APBA2: variants seen among roughly 807,000 people sequenced by gnomAD.
APBA2 encodes the protein amyloid-beta A4 precursor protein-binding family A member 2.
A neutral mutation model predicts 75.0 loss-of-function variants in APBA2; 30 were observed. The ratio of observed to expected loss-of-function variants is 0.40; its 90% CI spans 0.30 to 0.54. The LOEUF (loss-of-function observed/expected upper bound fraction) is 0.54, where lower values mean the gene tolerates loss of function less well. Among genes scored for constraint, APBA2 ranks in the 20% least tolerant of loss-of-function variants. APBA2 has a pLI of 0.49. For synonymous variants in APBA2, 444 were observed against 409.6 expected, an observed-to-expected ratio of 1.08 and a Z score of -1.01; for missense variants, 801 against 1,016.1, an observed-to-expected ratio of 0.79 and a Z score of 2.88.
chr15:29,103,777 G>A (rs892894315), intron 10 of APBA2, among the ~76,000 whole-genome samples: 2 of 152,214 alleles, frequency 1.3e-5, no homozygotes, highest in African/African-American at 4.8e-5. Flanking sequence ...CCAGCCAGGT[G>A]GCCTCGTCAG....
At chr15:28,942,875 CG>C (rs1566824299) in intron 2 of APBA2, among the ~76,000 whole-genome samples, 1 of 152,164 alleles carries the variant, frequency 6.6e-6, no homozygotes, top group Non-Finnish European at 1.5e-5. Flanking sequence ...GCGTTGTCCC[CG>C]AGGCCCGTGG....
chr15:28,990,100 G>A (rs2038142029), intron 2 of APBA2, among the ~76,000 whole-genome samples: 1 of 152,210 alleles, frequency 6.6e-6, no homozygotes, highest in African/African-American at 2.4e-5. Context: ...AGGCCAGGGG[G>A]AAGAGGGCAC....
At chr15:28,978,066 G>A (rs1005320300) in intron 2 of APBA2, among the ~76,000 whole-genome samples, 1 of 152,218 alleles carries the variant, frequency 6.6e-6, no homozygotes, top group Non-Finnish European at 1.5e-5. Context: ...TGTGGTGAGG[G>A]CTTAGGCAAA....
chr15:28,984,912 GCTCTCT>G lies in APBA2; in HGVS notation c.-94-10821_-94-10816del, dbSNP rs72448868. 7.4e-3 allele frequency among the ~76,000 whole-genome samples: 1,030 copies of G among 139,598 alleles called. 9 individuals are homozygous for G. Among genetic ancestry groups the G allele is most frequent in the Middle Eastern group, 0.015 (4 of 270 alleles). The allele number at this position is 139,598 out of a possible 152,430, so 91.6% of individuals were successfully genotyped here. On this transcript the variant is annotated intron_variant, in intron 2 of 14. Coordinates refer to ENST00000683413, the MANE Select transcript of APBA2 (RefSeq NM_001353788.2). Reference sequence around the variant, plus strand: ...CCATCTCTGGGGGTTGGGGGGAGCTGCTCTCTCTCTCTCTCTCTCTCTCTCCCTCTC... The same window carrying G: ...CCATCTCTGGGGGTTGGGGGGAGCTGCTCTCTCTCTCTCTCTCTCCCTCTC...
chr15:28,961,022 G>A (rs1393715258), intron 2 of APBA2, among the ~76,000 whole-genome samples: 1 of 152,098 alleles, frequency 6.6e-6, no homozygotes, highest in Non-Finnish European at 1.5e-5. Flanking sequence ...GCCTCCCAGA[G>A]TGCTGGGATT....
Position 29,054,617 on chromosome 15 carries a change from G to T in APBA2, c.733G>T (p.Ala245Ser), listed in dbSNP as rs756243157. 6.8e-6 allele frequency: 11 copies of T among 1,614,032 alleles called. No homozygotes were observed. In the East Asian group the frequency reaches 1.6e-4, roughly 23 times the overall value. The change falls in exon 4 of 15, where the codon GCC becomes TCC. Residue 245 changes from alanine to serine, a missense_variant. Physicochemically the swap from Ala to Ser is moderately conservative, Grantham distance 99. Coordinates refer to ENST00000683413, the MANE Select transcript of APBA2 (RefSeq NM_001353788.2). This position sits in a 1 kb window ranked among gnomAD's most constrained non-coding sequence, Gnocchi z 6.1. ...MSLSMTSITS[A>S]SEASPEHGPE... is the part of the protein sequence containing the mutation. ...TCTGAGCATGACCAGCATCACCAGCGCCAGTGAGGCCAGCCCCGAGCATGG... is the reference window on the plus strand; with the variant it reads ...TCTGAGCATGACCAGCATCACCAGCTCCAGTGAGGCCAGCCCCGAGCATGG...
chr15:29,094,342 G>C lies in APBA2; in HGVS notation c.1251+29G>C, dbSNP rs754332421. ...TGTAGGGCCTTGAGGCCCTGGGACAGTGTTGTTTGCTTGTGTTTCCGTGGC... is the reference window on the plus strand; with the variant it reads ...TGTAGGGCCTTGAGGCCCTGGGACACTGTTGTTTGCTTGTGTTTCCGTGGC... On this transcript the variant is annotated intron_variant, in intron 8 of 14. Transcript: ENST00000683413. The C allele has an allele frequency of 6.2e-6, 10 of 1,612,344 alleles. No individual in the cohort carries two copies. In the Admixed American group the frequency reaches 1.7e-4, roughly 27 times the overall value.
chr15:29,078,107 C>T lies in APBA2; in HGVS notation c.1069+2016C>T, dbSNP rs576996194. Among the ~76,000 whole-genome samples the T allele has an allele frequency of 7.3e-5, 11 of 151,634 alleles. No individual in the cohort carries two copies. The East Asian group carries it at 1.8e-3, about 24-fold the overall frequency. The stretch of plus-strand genomic sequence containing the variant: ...GTCAGCAGATCAAGACCATCCTGGC[C>T]AACATGGTGAAACCCCGTCTGTACT... On this transcript the variant is annotated intron_variant, in intron 6 of 14. Transcript: ENST00000683413.
chr15:29,070,294 T>A (rs980862252), intron 4 of APBA2, among the ~76,000 whole-genome samples: 1 of 152,238 alleles, frequency 6.6e-6, no homozygotes, highest in African/African-American at 2.4e-5. Context: ...TTCAGGTAGA[T>A]AGCGAATAAT....
At chr15:29,072,853 G>T (rs2042684744) in intron 4 of APBA2, among the ~76,000 whole-genome samples, 1 of 152,140 alleles carries the variant, frequency 6.6e-6, no homozygotes, top group African/African-American at 2.4e-5. Flanking sequence ...CTTCAGAACT[G>T]CTGGGTCCCA....
chr15:29,108,572 C>T (rs2044562664), intron 13 of APBA2, 183 bp downstream of exon 13: 5 of 922,860 alleles, frequency 5.4e-6, no homozygotes, highest in Non-Finnish European at 6.5e-6. Context: ...GAGGTCCTGG[C>T]TAGAAGGGGA....
At chr15:29,090,052 C>G (rs992269574) in intron 6 of APBA2, among the ~76,000 whole-genome samples, 1 of 152,150 alleles carries the variant, frequency 6.6e-6, no homozygotes, top group Non-Finnish European at 1.5e-5. Flanking sequence ...CACACCATGC[C>G]GCCCCCACTG....
At chr15:29,117,031 C>G (rs775973970) in intron 14 of APBA2, 31 bp from the exon 15 acceptor site, 1 of 1,608,740 alleles carries the variant, frequency 6.2e-7, no homozygotes, top group East Asian at 2.2e-5. Flanking sequence ...GGTGGGAGGG[C>G]AGCGGCTCAG....
chr15:28,911,469 A>G (rs2033425190), intron 1 of APBA2, among the ~76,000 whole-genome samples: 1 of 152,108 alleles, frequency 6.6e-6, no homozygotes, highest in Admixed American at 6.5e-5. Flanking sequence ...CTTCGTGGAG[A>G]TAAGATGCTC....
intron 3 of APBA2, among the ~76,000 whole-genome samples, chr15:29,043,992 G>A (rs187522152): frequency 5.1e-4 from 78 of 152,304 alleles, no homozygotes; most frequent in Middle Eastern, 6.8e-3. Context: ...CATGTATAGT[G>A]TATAGTGAAA....
chr15:29,116,605 G>A (rs1368186731), intron 14 of APBA2, among the ~76,000 whole-genome samples: 11 of 149,494 alleles, frequency 7.4e-5, no homozygotes, highest in Non-Finnish European at 1.5e-4. Context: ...TCCAGCCTGG[G>A]CGACAGAGCA....
At chr15:29,013,151 ACTT>A (rs1251041641) in intron 3 of APBA2, among the ~76,000 whole-genome samples, 3 of 151,740 alleles carry the variant, frequency 2.0e-5, no homozygotes, top group East Asian at 1.9e-4. Flanking sequence ...ATTTTTTTTT[ACTT>A]CTTCTACTAT....
In APBA2 at chr15:29,117,184, C is replaced by G. The variant is rs1200110112; in HGVS notation, c.*51C>G. 6.4e-7 allele frequency: 1 copy of G among 1,563,986 alleles called. No individual in the cohort carries two copies. Among genetic ancestry groups the G allele is most frequent in the Non-Finnish European group, 8.8e-7 (1 of 1,136,254 alleles). ...AGGACACCGGGCAGGGCCGCCCGGG[C>G]CCAGAGGAGCTGGGAGCCGGGCCGC... is the stretch of plus-strand genomic sequence containing the variant. On this transcript the variant is annotated 3_prime_UTR_variant, in exon 15 of 15. Transcript: ENST00000683413.
At chr15:28,989,411 T>G (rs2038099215) in intron 2 of APBA2, among the ~76,000 whole-genome samples, 1 of 152,180 alleles carries the variant, frequency 6.6e-6, no homozygotes, top group South Asian at 2.1e-4. Flanking sequence ...AGTTAGTGCC[T>G]GTCATAGTAA....
Sources: allele counts gnomAD v4.1 joint callset (sites outside exome capture counted in the v4.1 genomes callset), GRCh38; gene constraint gnomAD v4.1.1; non-coding constraint Gnocchi (gnomAD v3.1); transcripts MANE v1.5; gene names NCBI Gene and HGNC (gene_info 2026-07-23, HGNC 2026-07-21).